FOXA3: variants seen among roughly 807,000 people sequenced by gnomAD.
FOXA3 encodes the protein forkhead box A3, also known as hepatocyte nuclear factor 3-gamma.
Under a neutral mutation model 16.9 loss-of-function variants are expected in FOXA3, and 11 were observed. The ratio of observed to expected loss-of-function variants is 0.65; its 90% CI spans 0.41 to 1.08. FOXA3 has a LOEUF of 1.08. FOXA3 is among the 50% of genes least tolerant of loss of function. The pLI is 0.00. For missense variants in FOXA3, 423 were observed against 470.1 expected, an observed-to-expected ratio of 0.90 and a Z score of 0.93; for synonymous variants, 217 against 203.3, an observed-to-expected ratio of 1.07 and a Z score of -0.57.
Position 45,872,362 on chromosome 19 carries a change from G to T in FOXA3, c.357G>T (p.Pro119=), listed in dbSNP as rs147847262. The T allele has an allele frequency of 6.2e-7, 1 of 1,614,204 alleles. No individual in the cohort carries two copies. Among genetic ancestry groups the T allele is most frequent in the Admixed American group, 1.7e-5 (1 of 60,032 alleles). The stretch of plus-strand genomic sequence containing the variant: ...GGCCCCTGGCACACGCCAAGCCACC[G>T]TATTCCTATATCTCACTCATCACCA... ...YRRPLAHAKP[P]YSYISLITMA... Residue 119 remains proline, a synonymous_variant, in exon 2 of 2, where the codon CCG becomes CCT. Coordinates refer to ENST00000302177, the MANE Select transcript of FOXA3 (RefSeq NM_004497.3). This position sits in a 1 kb window ranked among gnomAD's most constrained non-coding sequence, Gnocchi z 4.5.
At chr19:45,869,908 C>G (rs1966890230) in intron 1 of FOXA3, among the ~76,000 whole-genome samples, 1 of 151,810 alleles carries the variant, frequency 6.6e-6, no homozygotes, top group Non-Finnish European at 1.5e-5. Context: ...GCCTCAGCCT[C>G]CTGAATAGCT....
In FOXA3 at chr19:45,872,228, G is replaced by A. The variant is rs374973423; in HGVS notation, c.223G>A (p.Gly75Arg). ...ACCCCCAGCACCTGCAGCCCCCCTG[G>A]GGCCCACTTTCCCAGGCCTGGGTGT... is the stretch of plus-strand genomic sequence containing the variant. ...LAPPAPAAPL[G>R]PTFPGLGVSG... Residue 75 changes from glycine (G) to arginine (R), a missense_variant, in exon 2 of 2, where the codon GGG becomes AGG. Gly to Arg is a moderately radical substitution (Grantham distance 125). This residue lies in a region of FOXA3 where 170 missense variants were observed against 153.9 expected (regional missense o/e 1.10). Transcript: ENST00000302177. The surrounding 1 kb of genome is among the most constrained non-coding windows in gnomAD (Gnocchi z 4.5). 27 of 1,606,128 alleles carry A rather than the reference G, an allele frequency of 1.7e-5. No individual in the cohort carries two copies. In the East Asian group the frequency reaches 4.9e-4, roughly 29 times the overall value.
chr19:45,866,812 C>T (rs868737980), intron 1 of FOXA3, among the ~76,000 whole-genome samples: 9 of 152,314 alleles, frequency 5.9e-5, no homozygotes, highest in African/African-American at 1.7e-4. Flanking sequence ...AAGCCCCGCA[C>T]GCAGAACACT....
Position 45,872,720 on chromosome 19 carries a change from T to TCGACCACCACCCCCGCGGCCACAGTCAC in FOXA3, c.717_744dup (p.Ser249AspfsTer20), listed in dbSNP as rs1458914047. 7 of 1,604,374 alleles carry TCGACCACCACCCCCGCGGCCACAGTCAC rather than the reference T, an allele frequency of 4.4e-6. No individual in the cohort carries two copies. The highest frequency in any genetic ancestry group is 6.0e-6 in the Non-Finnish European group (7 of 1,175,888). ...CAGGAACGGGACAGGGTCTGCTGCC[T>TCGACCACCACCCCCGCGGCCACAGTCAC]CGACCACCACCCCCGCGGCCACAGT... On this transcript the variant is annotated frameshift_variant, in exon 2 of 2. Transcript: ENST00000302177. LOFTEE classifies it low-confidence loss of function (END_TRUNC). This position sits in a 1 kb window ranked among gnomAD's most constrained non-coding sequence, Gnocchi z 4.5.
At chr19:45,867,131 G>T (rs1972091612) in intron 1 of FOXA3, among the ~76,000 whole-genome samples, 1 of 152,042 alleles carries the variant, frequency 6.6e-6, no homozygotes, top group Non-Finnish European at 1.5e-5. Flanking sequence ...CCGGGTGGGT[G>T]GGGAGCCAGA....
In FOXA3 at chr19:45,871,278, G is replaced by A. The variant is rs547495145; in HGVS notation, c.70-797G>A. On this transcript the variant is annotated intron_variant, in intron 1 of 1. Transcript: ENST00000302177. Reference sequence around the variant, plus strand: ...TTTCAAAAAATTTAGTCAAAAGAGCGACACTGTTTTTTTCCATTTTTGCAA... The same window carrying A: ...TTTCAAAAAATTTAGTCAAAAGAGCAACACTGTTTTTTTCCATTTTTGCAA... Among the ~76,000 whole-genome samples the A allele has an allele frequency of 1.6e-4, 24 of 152,128 alleles. No homozygotes were observed. The East Asian group carries it at 3.9e-3, about 24-fold the overall frequency.
At chr19:45,865,501 G>A (rs1972076385) in intron 1 of FOXA3, among the ~76,000 whole-genome samples, 1 of 152,152 alleles carries the variant, frequency 6.6e-6, no homozygotes, top group Non-Finnish European at 1.5e-5. Context: ...GAGGTTGTTG[G>A]GGCTGGGGGT....
Position 45,864,453 on chromosome 19 carries a change from G to C in FOXA3, c.-4G>C, listed in dbSNP as rs1327547044. 1 of 1,476,040 alleles carries C rather than the reference G, an allele frequency of 6.8e-7. No homozygotes were observed. The highest frequency in any genetic ancestry group is 2.7e-5 in the East Asian group (1 of 37,132). 91.4% of individuals were successfully genotyped at this position (1,476,040 alleles called of 1,614,324 possible). ...GGGGGCGGGTGGGGGCGTAAGCCCGGGGGATGCTGGGCTCAGTGAAGATGG... is the reference window on the plus strand; with the variant it reads ...GGGGGCGGGTGGGGGCGTAAGCCCGCGGGATGCTGGGCTCAGTGAAGATGG... On this transcript the variant is annotated 5_prime_UTR_variant, in exon 1 of 2. Coordinates refer to ENST00000302177, the MANE Select transcript of FOXA3 (RefSeq NM_004497.3).
In FOXA3 at chr19:45,873,442, G is replaced by C; in HGVS notation, c.*384G>C. ...CTTCTTTTTTGGTGTACTTGGCACA[G>C]TAGGTGCCAAGTTGGCCACCATTCT... On this transcript the variant is annotated 3_prime_UTR_variant, in exon 2 of 2. Coordinates refer to ENST00000302177, the MANE Select transcript of FOXA3 (RefSeq NM_004497.3). The C allele has an allele frequency of 3.6e-6, 1 of 276,024 alleles. No individual in the cohort carries two copies. The highest frequency in any genetic ancestry group is 4.8e-5 in the Admixed American group (1 of 20,830). The allele number at this position is 276,024 out of a possible 1,614,324, so 17.1% of individuals were successfully genotyped here.
At chr19:45,867,729 G>A (rs1033227978) in intron 1 of FOXA3, among the ~76,000 whole-genome samples, 2 of 138,886 alleles carry the variant, frequency 1.4e-5, no homozygotes, top group Non-Finnish European at 3.0e-5. Flanking sequence ...GCAGTGAGCC[G>A]AGATGGAGCC....
intron 1 of FOXA3, among the ~76,000 whole-genome samples, chr19:45,866,590 C>T (rs1972087196): frequency 1.3e-5 from 2 of 152,106 alleles, no homozygotes; most frequent in Non-Finnish European, 2.9e-5. Context: ...GAGAGAAATA[C>T]CTACACTCAG....
rs746650717 is a variant in FOXA3 at position 45,872,246 on chromosome 19, C to T, written c.241C>T (p.Leu81=). The T allele has an allele frequency of 4.3e-6, 7 of 1,609,712 alleles. No homozygotes were observed. The South Asian group carries it at 7.7e-5, about 18-fold the overall frequency. ...CCCCCTGGGGCCCACTTTCCCAGGC[C>T]TGGGTGTCAGCGGTGGCAGCAGCAG... ...AAPLGPTFPG[L]GVSGGSSSSG... Residue 81 remains leucine, a synonymous_variant, in exon 2 of 2, where the codon CTG becomes TTG. Transcript: ENST00000302177. The surrounding 1 kb of genome is among the most constrained non-coding windows in gnomAD (Gnocchi z 4.5).
At chr19:45,871,246 A>C (rs1037113570) in intron 1 of FOXA3, among the ~76,000 whole-genome samples, 1 of 152,218 alleles carries the variant, frequency 6.6e-6, no homozygotes, top group Non-Finnish European at 1.5e-5. Flanking sequence ...TTATTAAAAA[A>C]ACCAAATTTC....
intron 1 of FOXA3, among the ~76,000 whole-genome samples, chr19:45,871,561 C>T (rs1038961478): frequency 3.2e-5 from 4 of 123,718 alleles, no homozygotes; most frequent in African/African-American, 1.3e-4. Context: ...CCTGTCTCTA[C>T]TAAAAATACA....
Position 45,873,019 on chromosome 19 carries a change from C to G in FOXA3, c.1014C>G (p.Tyr338Ter). ...GAEGGEPGVYYQGLYSRSLLN... is the reference protein window; with the variant it reads ...GAEGGEPGVY ...AAGGTGGGGAGCCTGGAGTCTACTA[C>G]CAGGGCCTCTATTCCCGCTCTTTGC... The change falls in exon 2 of 2, where the codon TAC (tyrosine) becomes TAG (stop). Residue 338 changes from tyrosine (Y) to a stop codon, truncating the protein, a stop_gained. Transcript: ENST00000302177. LOFTEE classifies it high-confidence loss of function. 3 of 1,609,934 alleles carry G rather than the reference C, an allele frequency of 1.9e-6. No homozygotes were observed. Among genetic ancestry groups the G allele is most frequent in the Non-Finnish European group, 2.5e-6 (3 of 1,177,948 alleles).
At chr19:45,871,570 CAAAA>C (rs58715842) in intron 1 of FOXA3, among the ~76,000 whole-genome samples, 7 of 86,900 alleles carry the variant, frequency 8.1e-5, no homozygotes, top group Non-Finnish European at 1.3e-4. Context: ...ACTAAAAATA[CAAAA>C]AAAAAAAAAA....
At chr19:45,865,423 C>T (rs1054168889) in intron 1 of FOXA3, among the ~76,000 whole-genome samples, 3 of 152,170 alleles carry the variant, frequency 2.0e-5, no homozygotes, top group African/African-American at 7.2e-5. Flanking sequence ...TTCCTCAAGT[C>T]TGACCCCCAT....
chr19:45,871,969 A>C, intron 1 of FOXA3, 106 bp from the exon 2 acceptor site: 5 of 1,144,250 alleles, frequency 4.4e-6, no homozygotes, highest in Non-Finnish European at 6.3e-6. Flanking sequence ...AGGGATTTGT[A>C]GAGAAGGCAA....
intron 1 of FOXA3, among the ~76,000 whole-genome samples, chr19:45,865,804 A>T (rs1555798843): frequency 6.6e-6 from 1 of 151,896 alleles, no homozygotes; most frequent in Non-Finnish European, 1.5e-5. Context: ...GCCAACAGGG[A>T]AAGGGACTGG....
Sources: allele counts gnomAD v4.1 joint callset (sites outside exome capture counted in the v4.1 genomes callset), GRCh38; gene constraint gnomAD v4.1.1; regional missense constraint gnomAD v4.1.1; non-coding constraint Gnocchi (gnomAD v3.1); transcripts MANE v1.5; gene names NCBI Gene and HGNC (gene_info 2026-07-23, HGNC 2026-07-21).